DCAF8L2: variants seen among roughly 807,000 people sequenced by gnomAD.
DCAF8L2 encodes DDB1- and CUL4-associated factor 8-like protein 2.
For missense variants in DCAF8L2, 430 were observed against 490.7 expected (o/e 0.88, Z 1.17); for synonymous variants, 200 against 190.9 (o/e 1.05, Z -0.39).
chrX:27,634,217 C>T (rs1335419528), intron 2 of DCAF8L2, among the ~76,000 whole-genome samples: 3 of 111,648 alleles, frequency 2.7e-5, no homozygotes, highest in African/African-American at 9.8e-5. Context: ...TTTCTTCAAA[C>T]GTTACTTGGG....
At chrX:27,710,892 C>T (rs1373762610) in intron 3 of DCAF8L2, among the ~76,000 whole-genome samples, 1 of 111,556 alleles carries the variant, frequency 9.0e-6, no homozygotes. Flanking sequence ...TTTGTAGATG[C>T]CCGTTATCTA....
the DCAF8L2 span, among the ~76,000 whole-genome samples, chrX:27,570,492 T>G: frequency 9.0e-6 from 1 of 111,671 alleles, no homozygotes; most frequent in Admixed American, 9.5e-5. Context: ...GTTACAATAT[T>G]AACAACTGAC....
chrX:27,507,066 C>T, the DCAF8L2 span, among the ~76,000 whole-genome samples: 1 of 111,352 alleles, frequency 9.0e-6, no homozygotes, highest in Non-Finnish European at 1.9e-5. Flanking sequence ...ATAAAAGAAA[C>T]TCTACTTTCT....
chrX:27,581,169 C>T, the DCAF8L2 span, among the ~76,000 whole-genome samples: 1 of 111,976 alleles, frequency 8.9e-6, no homozygotes, highest in Non-Finnish European at 1.9e-5. Context: ...CAACTCAGTT[C>T]TATACAGCCA....
chrX:27,590,991 T>TTATATATATATATATATATATATATATA lies in DCAF8L2; in HGVS notation c.-342+575_-342+576insTATATATATATATATATATATATATATA, dbSNP rs10571931. The stretch of plus-strand genomic sequence containing the variant: ...AAATGTTTATAAAAGCCTTTACATT[T>TTATATATATATATATATATATATATATA]TATATATATATATATATATATATAA... On this transcript the variant is annotated intron_variant, in intron 1 of 4. Coordinates refer to ENST00000451261, the MANE Select transcript of DCAF8L2 (RefSeq NM_001353450.2). Among the ~76,000 whole-genome samples, 184 of 67,954 alleles carry TTATATATATATATATATATATATATATA rather than the reference T, an allele frequency of 2.7e-3. 3 individuals are homozygous for TTATATATATATATATATATATATATATA. Among genetic ancestry groups the TTATATATATATATATATATATATATATA allele is most frequent in the Non-Finnish European group, 4.2e-3 (138 of 32,895 alleles). The allele number at this position is 67,954 out of a possible 115,157, so 59.0% of individuals were successfully genotyped here.
chrX:27,479,665 G>A, the DCAF8L2 span, among the ~76,000 whole-genome samples: 4 of 111,578 alleles, frequency 3.6e-5, no homozygotes, highest in Admixed American at 2.9e-4. Context: ...TTTCTTTGTC[G>A]CCAAAGAGGA....
chrX:27,543,230 T>C, the DCAF8L2 span, among the ~76,000 whole-genome samples: 1 of 112,592 alleles, frequency 8.9e-6, no homozygotes, highest in Non-Finnish European at 1.9e-5. Flanking sequence ...CACCATTTAT[T>C]GAATAAGAAG....
the DCAF8L2 span, among the ~76,000 whole-genome samples, chrX:27,480,776 C>T: frequency 2.7e-5 from 3 of 111,717 alleles, no homozygotes; most frequent in Non-Finnish European, 5.6e-5. Context: ...TTCTATATTA[C>T]ATTTCTTCTG....
chrX:27,519,322 G>C, the DCAF8L2 span: 1 of 1,095,582 alleles, frequency 9.1e-7, no homozygotes, highest in Non-Finnish European at 1.3e-6. Context: ...AGAGCGGCTT[G>C]AAAAGGAGCG....
chrX:27,725,405 A>G (rs1021776137), intron 4 of DCAF8L2, among the ~76,000 whole-genome samples: 3 of 111,337 alleles, frequency 2.7e-5, no homozygotes, highest in Admixed American at 9.6e-5. Flanking sequence ...TGGAGGCTGC[A>G]TTGAGAGTTA....
the DCAF8L2 span, among the ~76,000 whole-genome samples, chrX:27,571,463 T>A: frequency 8.9e-6 from 1 of 111,983 alleles, no homozygotes; most frequent in African/African-American, 3.2e-5. Flanking sequence ...GAGAGGGCTA[T>A]CCTCAATAAT....
At position 27,603,117 on chromosome X, in the gene DCAF8L2, T is replaced by A. The variant is rs189655912; in HGVS notation, c.-342+12677T>A. ...TGTGATATTTGGAACTCTCTGTAGGTCCCTGGACAGCAGCCTTCCTACTGT... is the reference window on the plus strand; with the variant it reads ...TGTGATATTTGGAACTCTCTGTAGGACCCTGGACAGCAGCCTTCCTACTGT... On this transcript the variant is annotated intron_variant, in intron 1 of 4. Coordinates refer to ENST00000451261, the MANE Select transcript of DCAF8L2 (RefSeq NM_001353450.2). 2.4e-3 allele frequency among the ~76,000 whole-genome samples: 271 copies of A among 112,140 alleles called. 1 individual carries two copies. Among genetic ancestry groups the A allele is most frequent in the African/African-American group, 8.2e-3 (254 of 30,968 alleles).
intron 4 of DCAF8L2, among the ~76,000 whole-genome samples, chrX:27,721,354 A>G (rs1241090669): frequency 1.8e-5 from 2 of 112,042 alleles, no homozygotes; most frequent in Admixed American, 9.5e-5. Context: ...GTACTGATAC[A>G]TAATGTTTAA....
At chrX:27,537,431 T>C in the DCAF8L2 span, among the ~76,000 whole-genome samples, 1 of 112,572 alleles carries the variant, frequency 8.9e-6, no homozygotes, top group Non-Finnish European at 1.9e-5. Context: ...GGTAAAGAGT[T>C]GGAAATTCTA....
At chrX:27,701,088 C>G (rs1931113259) in intron 3 of DCAF8L2, among the ~76,000 whole-genome samples, 1 of 111,166 alleles carries the variant, frequency 9.0e-6, no homozygotes, top group Admixed American at 9.6e-5. Flanking sequence ...ATGATAGTTC[C>G]AAACTAAAAT....
chrX:27,678,524 T>C (rs1930217470), intron 3 of DCAF8L2, among the ~76,000 whole-genome samples: 1 of 112,451 alleles, frequency 8.9e-6, no homozygotes, highest in Non-Finnish European at 1.9e-5. Context: ...ATTCTGATAC[T>C]TGCTACAACA....
intron 1 of DCAF8L2, among the ~76,000 whole-genome samples, chrX:27,606,451 A>C (rs1309784508): frequency 1.0e-5 from 1 of 95,357 alleles, no homozygotes; most frequent in Non-Finnish European, 2.0e-5. Context: ...GCTCACTGCA[A>C]TCTCCATCTC....
intron 2 of DCAF8L2, among the ~76,000 whole-genome samples, chrX:27,666,688 T>G (rs1402892498): frequency 8.9e-6 from 1 of 112,456 alleles, no homozygotes; most frequent in Non-Finnish European, 1.9e-5. Flanking sequence ...AATTTTGTTT[T>G]CTATGCTTCT....
chrX:27,475,349 C>CAAAATTTATA, the DCAF8L2 span, among the ~76,000 whole-genome samples: 31 of 111,867 alleles, frequency 2.8e-4, no homozygotes, highest in African/African-American at 8.4e-4. Flanking sequence ...TATAGTTTTG[C>CAAAATTTATA]TAATTGTTAC....
Sources: gnomAD v4.1 joint callset for allele counts (sites outside exome capture counted in the v4.1 genomes callset) on GRCh38, gnomAD v4.1.1 for gene constraint, MANE v1.5 for transcripts, NCBI Gene and HGNC (gene_info 2026-07-23, HGNC 2026-07-21) for gene names.